The following RAD54L2 variants were observed in gnomAD, a reference collection of about 807,000 sequenced individuals.
RAD54L2 encodes RAD54 like 2.
A neutral mutation model predicts 138.4 loss-of-function variants in RAD54L2; 27 were observed. That is an observed-to-expected ratio of 0.20 (90% CI 0.14 to 0.27). The LOEUF is 0.27. RAD54L2 is among the 10% of genes least tolerant of loss of function. The probability of loss-of-function intolerance (pLI) is 1.00; values close to 1 mark genes in which losing one functional copy is unlikely to be tolerated. For missense variants in RAD54L2, 1,396 were observed against 1,890.2 expected (o/e 0.74, Z 4.85); for synonymous variants, 644 against 723.2 (o/e 0.89, Z 1.76).
chr3:51,558,270 C>G (rs565226104), intron 2 of RAD54L2, among the ~76,000 whole-genome samples: 1 of 152,220 alleles, frequency 6.6e-6, no homozygotes, highest in Non-Finnish European at 1.5e-5. Flanking sequence ...GTGACCTGCC[C>G]TTATCTGTCA....
chr3:51,574,039 C>A (rs1253638173), intron 2 of RAD54L2, among the ~76,000 whole-genome samples: 5 of 147,144 alleles, frequency 3.4e-5, no homozygotes, highest in Non-Finnish European at 1.5e-5. Flanking sequence ...TGTTCCCCAC[C>A]CTGTGTCCAA....
rs2106813215 is a variant in RAD54L2 at position 51,638,786 on chromosome 3, G to C, written c.1860+465G>C. Reference sequence around the variant, plus strand: ...CTCTACCCCTGGCTACTCTTCAGCAGACCTGTTAGGTATTATTCTTAATTG... The same window carrying C: ...CTCTACCCCTGGCTACTCTTCAGCACACCTGTTAGGTATTATTCTTAATTG... On this transcript the variant is annotated intron_variant, in intron 12 of 22. Transcript: ENST00000684192. This position sits in a 1 kb window ranked among gnomAD's most constrained non-coding sequence, Gnocchi z 4.3. 6.2e-6 allele frequency: 1 copy of C among 161,144 alleles called. No homozygotes were observed. Among genetic ancestry groups the C allele is most frequent in the South Asian group, 1.8e-4 (1 of 5,514 alleles). 10.0% of individuals were successfully genotyped at this position (161,144 alleles called of 1,614,324 possible).
At chr3:51,580,909 A>T (rs1260945057) in intron 2 of RAD54L2, among the ~76,000 whole-genome samples, 1 of 152,184 alleles carries the variant, frequency 6.6e-6, no homozygotes. Context: ...ACGTTATATT[A>T]TTTTCTGTAG....
chr3:51,591,793 A>C (rs1699845829), intron 3 of RAD54L2, among the ~76,000 whole-genome samples: 2 of 152,120 alleles, frequency 1.3e-5, no homozygotes, highest in Admixed American at 1.3e-4. Flanking sequence ...GGTTCTCATA[A>C]TTGTATTTAC....
At position 51,579,344 on chromosome 3, in the gene RAD54L2, G is replaced by T. The variant is rs140111881; in HGVS notation, c.-54-11023G>T. Among the ~76,000 whole-genome samples, 1,500 of 152,230 alleles carry T rather than the reference G, an allele frequency of 9.9e-3. 16 individuals are homozygous for T. The highest frequency in any genetic ancestry group is 0.017 in the Non-Finnish European group (1,161 of 68,012). On this transcript the variant is annotated intron_variant, in intron 2 of 22. Coordinates refer to ENST00000684192, the MANE Select transcript of RAD54L2 (RefSeq NM_015106.4). ...AAAACATTTGAGTGGGAAAACAGAT[G>T]TAAGTTCTCACTTTGGGCCATGGTT...
intron 10 of RAD54L2, among the ~76,000 whole-genome samples, chr3:51,636,923 ACT>A (rs1700995337): frequency 6.6e-6 from 1 of 151,578 alleles, no homozygotes; most frequent in African/African-American, 2.4e-5. Context: ...ACAGTGTGAG[ACT>A]CTGTCTCAAA....
At chr3:51,622,255 C>A (rs548626398) in intron 3 of RAD54L2, among the ~76,000 whole-genome samples, 18 of 152,234 alleles carry the variant, frequency 1.2e-4, no homozygotes, top group Admixed American at 5.2e-4. Context: ...TAAGCAATGG[C>A]CCTTTGTTTC....
At chr3:51,561,995 A>G (rs1447355729) in intron 2 of RAD54L2, among the ~76,000 whole-genome samples, 1 of 151,118 alleles carries the variant, frequency 6.6e-6, no homozygotes, top group Non-Finnish European at 1.5e-5. Context: ...CAGCCTCCCA[A>G]GTAACTGGGA....
At chr3:51,577,596 G>A (rs1439749000) in intron 2 of RAD54L2, among the ~76,000 whole-genome samples, 1 of 152,204 alleles carries the variant, frequency 6.6e-6, no homozygotes, top group East Asian at 1.9e-4. Flanking sequence ...TTACCATTAT[G>A]TAATGGCCTT....
At chr3:51,624,602 A>AC (rs1230018272) in intron 3 of RAD54L2, among the ~76,000 whole-genome samples, 1 of 151,680 alleles carries the variant, frequency 6.6e-6, no homozygotes, top group Admixed American at 6.6e-5. Flanking sequence ...CATCACCACA[A>AC]CCCTTAGAGG....
chr3:51,576,669 T>TCC (rs1699488369), intron 2 of RAD54L2, among the ~76,000 whole-genome samples: 1 of 152,204 alleles, frequency 6.6e-6, no homozygotes, highest in South Asian at 2.1e-4. Flanking sequence ...TGGTAGTTTG[T>TCC]ATTTCTGTGG....
Position 51,637,206 on chromosome 3 carries a change from G to A in RAD54L2, c.1385G>A (p.Cys462Tyr). The change falls in exon 11 of 23, where the codon TGT becomes TAT. Residue 462 changes from cysteine (C) to tyrosine (Y), a missense_variant. By Grantham distance (194) the Cys-to-Tyr change is radical. This residue lies in a region of RAD54L2 where 169 missense variants were observed against 235.6 expected (regional missense o/e 0.72). Coordinates refer to ENST00000684192, the MANE Select transcript of RAD54L2 (RefSeq NM_015106.4). The surrounding 1 kb of genome is among the most constrained non-coding windows in gnomAD (Gnocchi z 5.9). ...CGCCCTGGCCCTGATGTAGTAATCT[G>A]TGATGAGGGACACCGCATCAAAAAC... The part of the protein sequence containing the change: ...LCRPGPDVVI[C>Y]DEGHRIKNCQ... The A allele has an allele frequency of 6.3e-7, 1 of 1,594,498 alleles. No individual in the cohort carries two copies. Among genetic ancestry groups the A allele is most frequent in the Non-Finnish European group, 8.5e-7 (1 of 1,170,418 alleles).
At chr3:51,557,013 C>T (rs185456873) in intron 2 of RAD54L2, among the ~76,000 whole-genome samples, 15 of 152,274 alleles carry the variant, frequency 9.9e-5, no homozygotes, top group African/African-American at 3.4e-4. Context: ...ACTAACTCCC[C>T]CTTTCCCATC....
At chr3:51,575,537 G>T (rs1225645998) in intron 2 of RAD54L2, among the ~76,000 whole-genome samples, 2 of 152,148 alleles carry the variant, frequency 1.3e-5, no homozygotes, top group Admixed American at 6.5e-5. Flanking sequence ...GCAGTGGTTT[G>T]TAGTTCTCCT....
intron 3 of RAD54L2, among the ~76,000 whole-genome samples, chr3:51,621,433 C>G (rs934725450): frequency 6.6e-6 from 1 of 152,182 alleles, no homozygotes; most frequent in African/African-American, 2.4e-5. Flanking sequence ...GACAGGAGTT[C>G]ACAGTGGGCC....
rs1356730790 is a variant in RAD54L2, at chr3:51,645,551, A to G, written c.2657-40A>G. 1.3e-6 allele frequency: 2 copies of G among 1,547,484 alleles called. No homozygotes were observed. The highest frequency in any genetic ancestry group is 2.3e-5 in the East Asian group (1 of 43,898). ...TTATTAGTGACCTTTACAGTTTTTA[A>G]TGCCATGTGCTGACTTTCTTCATGT... On this transcript the variant is annotated intron_variant, in intron 17 of 22. Coordinates refer to ENST00000684192, the MANE Select transcript of RAD54L2 (RefSeq NM_015106.4). This position sits in a 1 kb window ranked among gnomAD's most constrained non-coding sequence, Gnocchi z 6.1.
At chr3:51,597,453 A>C (rs1472084067) in intron 3 of RAD54L2, among the ~76,000 whole-genome samples, 1 of 152,140 alleles carries the variant, frequency 6.6e-6, no homozygotes, top group Non-Finnish European at 1.5e-5. Context: ...TCGGTACTTT[A>C]ACTGGTAAGG....
intron 1 of RAD54L2, among the ~76,000 whole-genome samples, chr3:51,539,508 T>C (rs1553670872): frequency 6.6e-6 from 1 of 152,164 alleles, no homozygotes; most frequent in Non-Finnish European, 1.5e-5. Context: ...GGGGCCCTGA[T>C]GCACCCTGAC....
At chr3:51,658,612 A>G (rs1445997575) in intron 21 of RAD54L2, among the ~76,000 whole-genome samples, 2 of 152,104 alleles carry the variant, frequency 1.3e-5, no homozygotes, top group Non-Finnish European at 2.9e-5. Context: ...AATAAGCCCC[A>G]TGATTGTGTG....
Sources: allele counts gnomAD v4.1 joint callset (sites outside exome capture counted in the v4.1 genomes callset), GRCh38; gene constraint gnomAD v4.1.1; regional missense constraint gnomAD v4.1.1; non-coding constraint Gnocchi (gnomAD v3.1); transcripts MANE v1.5; gene names NCBI Gene and HGNC (gene_info 2026-07-23, HGNC 2026-07-21).